The following UTP20 variants were observed in gnomAD, a reference collection of about 807,000 sequenced individuals.
UTP20 encodes UTP20 small subunit processome component.
Under a neutral mutation model 329.5 loss-of-function variants are expected in UTP20, and 164 were observed. The ratio of observed to expected loss-of-function variants is 0.50; its 90% CI spans 0.44 to 0.57. UTP20 has a LOEUF of 0.57. UTP20 is among the 20% of genes least tolerant of loss of function. The pLI, the probability that UTP20 is intolerant of heterozygous loss-of-function variation, is 0.00. For synonymous variants in UTP20, 1,151 were observed against 1,159.3 expected, an observed-to-expected ratio of 0.99 and a Z score of 0.14; for missense variants, 3,055 against 3,284.2, an observed-to-expected ratio of 0.93 and a Z score of 1.71.
At chr12:101,328,502 A>C (rs570770140) in intron 26 of UTP20, among the ~76,000 whole-genome samples, 1 of 151,322 alleles carries the variant, frequency 6.6e-6, no homozygotes, top group Admixed American at 6.7e-5. Flanking sequence ...TAATACAGAA[A>C]GTTACTTCTA....
At chr12:101,285,057 A>G (rs1279969709) in intron 2 of UTP20, among the ~76,000 whole-genome samples, 1 of 152,098 alleles carries the variant, frequency 6.6e-6, no homozygotes, top group Non-Finnish European at 1.5e-5. Flanking sequence ...CTATTGTCGG[A>G]TATTTTAGCC....
chr12:101,366,691 G>A lies in UTP20; in HGVS notation c.6259G>A (p.Gly2087Arg). ...CAACATGCACATATTTATTGAGTCC[G>A]GGCTTCGGGTAAGAATTAACCTTAA... ...KTNMHIFIES[G>R]LRLLHLSLKT... The change falls in exon 47 of 62, where the codon GGG becomes AGG. Residue 2087 changes from glycine (G) to arginine (R), a missense_variant. Transcript: ENST00000261637. 4 of 1,613,620 alleles carry A rather than the reference G, an allele frequency of 2.5e-6. No homozygotes were observed. Among genetic ancestry groups the A allele is most frequent in the Non-Finnish European group, 3.4e-6 (4 of 1,179,826 alleles).
intron 43 of UTP20, among the ~76,000 whole-genome samples, chr12:101,359,501 G>GTATATATATATA (rs113405115): frequency 2.0e-5 from 3 of 147,702 alleles, no homozygotes; most frequent in African/African-American, 7.5e-5. Context: ...ATGTGTGTGT[G>GTATATATATATA]TATATATATA....
Position 101,370,617 on chromosome 12 carries a change from A to G in UTP20, c.6687+54A>G, listed in dbSNP as rs1870254526. 3.2e-6 allele frequency: 5 copies of G among 1,564,364 alleles called. No individual in the cohort carries two copies. The South Asian group carries it at 4.8e-5, about 15-fold the overall frequency. ...ACGGTTTATGAGTTTCACAGCAGATATTTTGAACACATAGATCATAGTGTT... is the reference window on the plus strand; with the variant it reads ...ACGGTTTATGAGTTTCACAGCAGATGTTTTGAACACATAGATCATAGTGTT... On this transcript the variant is annotated intron_variant, in intron 50 of 61. Transcript: ENST00000261637.
At chr12:101,357,967 C>G (rs550013351) in intron 43 of UTP20, among the ~76,000 whole-genome samples, 4 of 152,160 alleles carry the variant, frequency 2.6e-5, no homozygotes, top group Non-Finnish European at 5.9e-5. Context: ...TTGAGGAACG[C>G]TGCAGCTTCT....
At chr12:101,323,412 C>T (rs1868443769) in intron 25 of UTP20, among the ~76,000 whole-genome samples, 1 of 152,154 alleles carries the variant, frequency 6.6e-6, no homozygotes, top group African/African-American at 2.4e-5. Context: ...TCTTTCCAAC[C>T]ATAAGTTTGA....
Position 101,343,030 on chromosome 12 carries a change from A to C in UTP20, c.4386A>C (p.Glu1462Asp). The C allele has an allele frequency of 6.2e-7, 1 of 1,613,602 alleles. No individual in the cohort carries two copies. The highest frequency in any genetic ancestry group is 8.5e-7 in the Non-Finnish European group (1 of 1,179,636). ...AGACCATCACCTCTTACATTAAAGA[A>C]ATGCAAATTGTGGATGTTAACTACC... Reference protein sequence around the residue: ...TFQTITSYIKEMQIVDVNYLI... With the variant: ...TFQTITSYIKDMQIVDVNYLI... The change falls in exon 35 of 62, where the codon GAA becomes GAC. Residue 1462 changes from glutamate (E) to aspartate (D), a missense_variant. Transcript: ENST00000261637.
In UTP20 at chr12:101,310,320, A is replaced by T. The variant is rs552671312; in HGVS notation, c.2231+481A>T. Among the ~76,000 whole-genome samples, 8 of 152,244 alleles carry T rather than the reference A, an allele frequency of 5.3e-5. No homozygotes were observed. The East Asian group carries it at 1.5e-3, about 29-fold the overall frequency. On this transcript the variant is annotated intron_variant, in intron 19 of 61. Coordinates refer to ENST00000261637, the MANE Select transcript of UTP20 (RefSeq NM_014503.3). ...GCCGGGCACGGTGACTCATGCCTGT[A>T]ATCCCAGCACTTTGGGCGGCTGAGG... is the stretch of plus-strand genomic sequence containing the variant.
Position 101,356,944 on chromosome 12 carries a change from T to C in UTP20, c.5553T>C (p.Cys1851=), listed in dbSNP as rs150071355. 47 of 1,609,606 alleles carry C rather than the reference T, an allele frequency of 2.9e-5. No individual in the cohort carries two copies. The highest frequency in any genetic ancestry group is 3.8e-5 in the Non-Finnish European group (45 of 1,179,122). ...ANLPSILLKV[C]ALLKNRAQEI... is the part of the protein sequence containing the mutation. ...TTTCTAGTATTTTGCTGAAAGTGTGTGCCCTACTCAAGAACAGAGCCCAAG... is the reference window on the plus strand; with the variant it reads ...TTTCTAGTATTTTGCTGAAAGTGTGCGCCCTACTCAAGAACAGAGCCCAAG... The change falls in exon 43 of 62, where the codon TGT becomes TGC. Residue 1851 remains cysteine, a synonymous_variant. Coordinates refer to ENST00000261637, the MANE Select transcript of UTP20 (RefSeq NM_014503.3).
chr12:101,356,615 TTC>T lies in UTP20; in HGVS notation c.5457_5458del (p.Arg1820SerfsTer9). Reference sequence around the variant, plus strand: ...AAGGTTGTGAATGATGAGGAAGTCGTTCGAGTTCCATTAGCTTTTGCCATGGT... The same window carrying T: ...AAGGTTGTGAATGATGAGGAAGTCGTGAGTTCCATTAGCTTTTGCCATGGT... On this transcript the variant is annotated frameshift_variant, in exon 42 of 62. Transcript: ENST00000261637. LOFTEE classifies it high-confidence loss of function. 2 of 1,613,992 alleles carry T rather than the reference TTC, an allele frequency of 1.2e-6. No homozygotes were observed. The highest frequency in any genetic ancestry group is 1.7e-6 in the Non-Finnish European group (2 of 1,179,904).
chr12:101,363,243 G>C (rs1359342900), intron 44 of UTP20, among the ~76,000 whole-genome samples: 1 of 152,188 alleles, frequency 6.6e-6, no homozygotes, highest in African/African-American at 2.4e-5. Flanking sequence ...AGAACTTCTT[G>C]AAGGGAAATT....
chr12:101,374,557 GA>G (rs200078972), intron 54 of UTP20, among the ~76,000 whole-genome samples: 10 of 150,734 alleles, frequency 6.6e-5, no homozygotes, highest in South Asian at 2.1e-4. Flanking sequence ...ATTAAAAATG[GA>G]AAAAAAAATT....
intron 27 of UTP20, 60 bp from the exon 28 acceptor site, chr12:101,333,241 G>A: frequency 6.5e-7 from 1 of 1,532,548 alleles, no homozygotes. Flanking sequence ...GCCTCTCTGA[G>A]GAATCAGGGA....
At chr12:101,305,127 C>A (rs1029951948) in intron 15 of UTP20, among the ~76,000 whole-genome samples, 1 of 151,912 alleles carries the variant, frequency 6.6e-6, no homozygotes, top group Non-Finnish European at 1.5e-5. Flanking sequence ...AGCCTTTTTC[C>A]CCTGGTTTTC....
intron 8 of UTP20, 168 bp from the exon 9 acceptor site, chr12:101,291,574 A>G (rs910496573): frequency 4.1e-6 from 2 of 483,564 alleles, no homozygotes; most frequent in Non-Finnish European, 3.3e-6. Context: ...ACTTAGAACA[A>G]TGCACTCAGC....
intron 12 of UTP20, 93 bp from the exon 13 acceptor site, chr12:101,299,589 C>G (rs562095227): frequency 7.9e-7 from 1 of 1,266,748 alleles, no homozygotes; most frequent in African/African-American, 1.5e-5. Context: ...CTCTAATGCT[C>G]CACAATGGTA....
Position 101,333,051 on chromosome 12 carries a change from T to A in UTP20, c.3418-250T>A, listed in dbSNP as rs567472697. ...AAAACAACTATTCCAGTTGTAATAT[T>A]TTTTCTTAAGGATAACTAGTGTGAC... On this transcript the variant is annotated intron_variant, in intron 27 of 61. Coordinates refer to ENST00000261637, the MANE Select transcript of UTP20 (RefSeq NM_014503.3). Among the ~76,000 whole-genome samples the A allele has an allele frequency of 2.6e-5, 4 of 152,338 alleles. No homozygotes were observed. The South Asian group carries it at 8.3e-4, about 32-fold the overall frequency.
chr12:101,298,292 A>G (rs1367595518), intron 12 of UTP20, among the ~76,000 whole-genome samples: 1 of 152,152 alleles, frequency 6.6e-6, no homozygotes, highest in African/African-American at 2.4e-5. Flanking sequence ...ATAAAAGAAG[A>G]CAAAGCAGTG....
At chr12:101,289,666 T>G (rs1872077149) in intron 6 of UTP20, among the ~76,000 whole-genome samples, 1 of 152,172 alleles carries the variant, frequency 6.6e-6, no homozygotes. Flanking sequence ...TTCAAGTCAG[T>G]AAATACATGA....
Sources: allele counts gnomAD v4.1 joint callset (sites outside exome capture counted in the v4.1 genomes callset), GRCh38; gene constraint gnomAD v4.1.1; transcripts MANE v1.5; gene names NCBI Gene and HGNC (gene_info 2026-07-23, HGNC 2026-07-21).